The following DYNLT2B variants were observed in gnomAD, a reference collection of about 807,000 sequenced individuals.
DYNLT2B encodes the protein dynein light chain Tctex-type protein 2B.
Under a neutral mutation model 19.5 loss-of-function variants are expected in DYNLT2B, and 14 were observed. The ratio of observed to expected loss-of-function variants is 0.72; its 90% CI spans 0.47 to 1.12. The LOEUF (loss-of-function observed/expected upper bound fraction) is 1.12, where lower values mean the gene tolerates loss of function less well. Among genes scored for constraint, DYNLT2B ranks in the 50% most tolerant of loss-of-function variants. The pLI, the probability that DYNLT2B is intolerant of heterozygous loss-of-function variation, is 0.00. For synonymous variants in DYNLT2B, 70 were observed against 59.7 expected, an observed-to-expected ratio of 1.17 and a Z score of -0.79; for missense variants, 133 against 174.7, an observed-to-expected ratio of 0.76 and a Z score of 1.35.
intron 4 of DYNLT2B, among the ~76,000 whole-genome samples, chr3:196,293,885 C>T (rs1260796069): frequency 1.3e-5 from 2 of 150,536 alleles, no homozygotes; most frequent in African/African-American, 2.4e-5. Context: ...CCTCATGATC[C>T]GCCCGCCTCG....
intron 3 of DYNLT2B, among the ~76,000 whole-genome samples, chr3:196,302,101 C>T (rs1252343917): frequency 1.3e-5 from 2 of 150,860 alleles, no homozygotes; most frequent in Non-Finnish European, 2.9e-5. Context: ...AGCGAGACTC[C>T]GTCTGAAAAA....
chr3:196,300,134 C>A (rs994484648), intron 3 of DYNLT2B, among the ~76,000 whole-genome samples: 2 of 152,182 alleles, frequency 1.3e-5, no homozygotes, highest in African/African-American at 4.8e-5. Flanking sequence ...AGTCTTAGAG[C>A]CTCCAGAAGG....
rs1481646528 is a variant in DYNLT2B, at chr3:196,291,295, T to C, written c.*32A>G. On this transcript the variant is annotated 3_prime_UTR_variant, in exon 5 of 5. Coordinates refer to ENST00000325318, the MANE Select transcript of DYNLT2B (RefSeq NM_152773.5). ...TTAAAAAGTTCAGATTTCTTCATGG[T>C]CATGTCTTTTACCAGCTTTTCAAAG... The C allele has an allele frequency of 6.3e-7, 1 of 1,592,822 alleles. No homozygotes were observed. The highest frequency in any genetic ancestry group is 1.4e-5 in the African/African-American group (1 of 73,836).
intron 2 of DYNLT2B, among the ~76,000 whole-genome samples, chr3:196,315,493 C>T (rs923967122): frequency 3.3e-5 from 5 of 151,598 alleles, no homozygotes; most frequent in African/African-American, 1.2e-4. Flanking sequence ...AATCTCCTGA[C>T]CTCGTGATCC....
At chr3:196,301,073 A>G (rs955943919) in intron 3 of DYNLT2B, among the ~76,000 whole-genome samples, 11 of 152,124 alleles carry the variant, frequency 7.2e-5, no homozygotes, top group African/African-American at 2.7e-4. Flanking sequence ...AAAGAAAAAA[A>G]AAAGGGATGA....
chr3:196,315,629 T>C (rs915466491), intron 2 of DYNLT2B, among the ~76,000 whole-genome samples: 51 of 151,278 alleles, frequency 3.4e-4, no homozygotes, highest in Non-Finnish European at 7.4e-5. Context: ...TCCCAGCACC[T>C]TGAGAGGCCG....
intron 4 of DYNLT2B, among the ~76,000 whole-genome samples, chr3:196,293,824 T>C (rs1726154402): frequency 2.0e-5 from 3 of 150,004 alleles, no homozygotes; most frequent in Admixed American, 1.3e-4. Flanking sequence ...TTTGTATTTT[T>C]AGTAGAGACG....
chr3:196,303,573 C>T (rs1726411420), intron 3 of DYNLT2B, among the ~76,000 whole-genome samples: 1 of 152,180 alleles, frequency 6.6e-6, no homozygotes, highest in South Asian at 2.1e-4. Context: ...TTCCAAAAAC[C>T]TGTAACCTCA....
chr3:196,291,471 T>C (rs1577384082), intron 4 of DYNLT2B, 97 bp from the exon 5 acceptor site: 2 of 1,328,384 alleles, frequency 1.5e-6, no homozygotes, highest in East Asian at 2.5e-5. Flanking sequence ...CCATCTCAGA[T>C]CTTTCCAATT....
intron 3 of DYNLT2B, among the ~76,000 whole-genome samples, chr3:196,302,700 C>G (rs1473592532): frequency 2.6e-5 from 4 of 152,130 alleles, no homozygotes; most frequent in Non-Finnish European, 4.4e-5. Flanking sequence ...TCAGTGTGGG[C>G]TGCACACGAT....
intron 3 of DYNLT2B, chr3:196,297,998 T>C (rs1414230245): frequency 6.2e-6 from 1 of 161,804 alleles, no homozygotes; most frequent in Non-Finnish European, 1.4e-5. Context: ...TTCAGCTTGC[T>C]ATAGTAAGAT....
intron 1 of DYNLT2B, among the ~76,000 whole-genome samples, chr3:196,317,472 T>A (rs1350197571): frequency 2.6e-5 from 1 of 38,046 alleles, no homozygotes; most frequent in African/African-American, 8.7e-5. Flanking sequence ...TTTTTTTCAG[T>A]GTGTGTGTGT....
chr3:196,300,205 T>C (rs950457622), intron 3 of DYNLT2B, among the ~76,000 whole-genome samples: 1 of 152,192 alleles, frequency 6.6e-6, no homozygotes, highest in Non-Finnish European at 1.5e-5. Context: ...ATTTCTGATC[T>C]CCAGAACTGT....
intron 3 of DYNLT2B, among the ~76,000 whole-genome samples, chr3:196,298,439 G>A (rs573615306): frequency 6.6e-6 from 1 of 151,720 alleles, no homozygotes; most frequent in Non-Finnish European, 1.5e-5. Context: ...TCAGCCTTCC[G>A]AGTAGCTGGG....
At chr3:196,303,327 G>A (rs143622826) in intron 3 of DYNLT2B, among the ~76,000 whole-genome samples, 13 of 152,320 alleles carry the variant, frequency 8.5e-5, no homozygotes, top group Non-Finnish European at 1.2e-4. Context: ...CCGGCTGTGC[G>A]TGAATTACTT....
chr3:196,303,298 A>C (rs1726403395), intron 3 of DYNLT2B, among the ~76,000 whole-genome samples: 2 of 150,738 alleles, frequency 1.3e-5, no homozygotes, highest in South Asian at 2.1e-4. Flanking sequence ...TAATAATAAA[A>C]CTCCGGTCTC....
chr3:196,304,927 G>A (rs986109861), intron 3 of DYNLT2B, among the ~76,000 whole-genome samples: 18 of 152,114 alleles, frequency 1.2e-4, no homozygotes, highest in Non-Finnish European at 2.4e-4. Flanking sequence ...TGTCACCCAG[G>A]CTGGAGTACA....
At chr3:196,309,384 G>A (rs537264455) in intron 2 of DYNLT2B, among the ~76,000 whole-genome samples, 2 of 152,128 alleles carry the variant, frequency 1.3e-5, no homozygotes, top group Non-Finnish European at 2.9e-5. Context: ...TCCTGCCTCA[G>A]ACTCCCGAGT....
At chr3:196,317,274 GTGTGTGT>G (rs1726874072) in intron 1 of DYNLT2B, among the ~76,000 whole-genome samples, 1 of 89,644 alleles carries the variant, frequency 1.1e-5, no homozygotes, top group African/African-American at 3.9e-5. Flanking sequence ...TTCAGTGTGT[GTGTGTGT>G]TGTGTGTGTG....
Sources: gnomAD v4.1 joint callset for allele counts (sites outside exome capture counted in the v4.1 genomes callset) on GRCh38, gnomAD v4.1.1 for gene constraint, MANE v1.5 for transcripts, NCBI Gene and HGNC (gene_info 2026-07-23, HGNC 2026-07-21) for gene names.